The following IGF1 variants were observed in gnomAD, a reference collection of about 807,000 sequenced individuals.
IGF1 encodes insulin like growth factor 1, also known as insulin-like growth factor 1.
Under a neutral mutation model 13.8 loss-of-function variants are expected in IGF1, and 4 were observed. The ratio of observed to expected loss-of-function variants is 0.29; its 90% confidence interval spans 0.14 to 0.66. IGF1 has a LOEUF of 0.66. Among genes scored for constraint, IGF1 ranks in the 30% least tolerant of loss-of-function variants. The pLI, the probability that IGF1 is intolerant of heterozygous loss-of-function variation, is 0.78. For synonymous variants in IGF1, 76 were observed against 72.6 expected (o/e 1.05, Z -0.23); for missense variants, 124 against 188.5 (o/e 0.66, Z 2.00).
intron 2 of IGF1, among the ~76,000 whole-genome samples, chr12:102,452,079 G>A (rs1001439591): frequency 3.3e-5 from 5 of 151,754 alleles, no homozygotes; most frequent in African/African-American, 9.7e-5. Context: ...TGGCTAACAC[G>A]GTGAAACCCC....
chr12:102,402,073 G>A lies in IGF1; in HGVS notation c.*434C>T, dbSNP rs1271472117. On this transcript the variant is annotated 3_prime_UTR_variant, in exon 4 of 4. Transcript: ENST00000337514. ...CTGTAAAACAAACAGCCCGAGTTGT[G>A]TAGAAAGAAGTGCAAATAAGGAAAC... 1 of 156,104 alleles carries A rather than the reference G, an allele frequency of 6.4e-6. No homozygotes were observed. Among genetic ancestry groups the A allele is most frequent in the Non-Finnish European group, 1.4e-5 (1 of 71,220 alleles). 9.7% of individuals were successfully genotyped at this position (156,104 alleles called of 1,614,324 possible).
chr12:102,429,645 A>C (rs1446871281), intron 2 of IGF1, among the ~76,000 whole-genome samples: 1 of 152,204 alleles, frequency 6.6e-6, no homozygotes, highest in Non-Finnish European at 1.5e-5. Context: ...TTTTTAACAA[A>C]TGTAATTATC....
At chr12:102,407,094 C>CAAAAAAAAAAAAAAAA (rs57468885) in intron 3 of IGF1, among the ~76,000 whole-genome samples, 4 of 100,978 alleles carry the variant, frequency 4.0e-5, no homozygotes, top group Non-Finnish European at 7.6e-5. Flanking sequence ...ACTCTGTCTC[C>CAAAAAAAAAAAAAAAA]AAAAAAAAAA....
rs1255126298 is a variant in IGF1, at chr12:102,475,778, A to G, written c.85T>C (p.Ser29Pro). The G allele has an allele frequency of 1.9e-6, 3 of 1,613,804 alleles. No individual in the cohort carries two copies. The African/African-American group carries it at 4.0e-5, about 22-fold the overall frequency. The change falls in exon 2 of 4, where the codon TCC becomes CCC. Residue 29 changes from serine (S) to proline (P), a missense_variant. Around this residue, in one of 2 missense-constraint regions of IGF1, gnomAD observed 99 missense variants for 171.4 expected, o/e 0.58. Transcript: ENST00000337514. ...AGCGCCAGGTAGAAGAGATGCGAGG[A>G]GGACATGGTGTGCATCTTCACCTGC... ...FLKVKMHTMS[S>P]SHLFYLALCL...
chr12:102,410,484 T>A, intron 3 of IGF1, among the ~76,000 whole-genome samples: 1 of 152,234 alleles, frequency 6.6e-6, no homozygotes, highest in Non-Finnish European at 1.5e-5. Context: ...ATTTTGCTGC[T>A]ATGTGCTAAA....
chr12:102,439,979 G>A (rs1877572066), intron 2 of IGF1, among the ~76,000 whole-genome samples: 1 of 152,160 alleles, frequency 6.6e-6, no homozygotes, highest in Admixed American at 6.6e-5. Flanking sequence ...GTGGGAAGCT[G>A]AGCAATTGCT....
chr12:102,430,932 G>A (rs763131947), intron 2 of IGF1, among the ~76,000 whole-genome samples: 1 of 152,054 alleles, frequency 6.6e-6, no homozygotes, highest in Non-Finnish European at 1.5e-5. Flanking sequence ...TTTTTTCTTG[G>A]TGCTCAACAG....
chr12:102,439,232 T>A (rs1186909274), intron 2 of IGF1, among the ~76,000 whole-genome samples: 1 of 152,242 alleles, frequency 6.6e-6, no homozygotes, highest in Admixed American at 6.5e-5. Flanking sequence ...TGCATTTTTT[T>A]TCATGCTCAA....
At chr12:102,457,757 T>C (rs1879537858) in intron 2 of IGF1, among the ~76,000 whole-genome samples, 1 of 152,232 alleles carries the variant, frequency 6.6e-6, no homozygotes, top group Non-Finnish European at 1.5e-5. Context: ...TATACATTAT[T>C]ACTTACTTTA....
chr12:102,473,040 A>G (rs1484640412), intron 2 of IGF1, among the ~76,000 whole-genome samples: 4 of 152,142 alleles, frequency 2.6e-5, no homozygotes, highest in African/African-American at 4.8e-5. Context: ...ACTAGACTCA[A>G]TTCAATTCAA....
rs1259452312 is a variant in IGF1 at position 102,449,295 on chromosome 12, A to T, written c.220+26348T>A. ...CCATTCTCAGCAAACTAACACAGGAACGGAAAACCAAACACCACATTTTCT... is the reference window on the plus strand; with the variant it reads ...CCATTCTCAGCAAACTAACACAGGATCGGAAAACCAAACACCACATTTTCT... On this transcript the variant is annotated intron_variant, in intron 2 of 3. Coordinates refer to ENST00000337514, the MANE Select transcript of IGF1 (RefSeq NM_000618.5). Among the ~76,000 whole-genome samples the T allele has an allele frequency of 5.3e-5, 8 of 151,898 alleles. No individual in the cohort carries two copies. The East Asian group carries it at 1.4e-3, about 26-fold the overall frequency.
In IGF1 at chr12:102,475,634, G is replaced by T. The variant is rs1176228718; in HGVS notation, c.220+9C>A. The T allele has an allele frequency of 6.2e-7, 1 of 1,613,996 alleles. No individual in the cohort carries two copies. Among genetic ancestry groups the T allele is most frequent in the East Asian group, 2.2e-5 (1 of 44,878 alleles). Reference sequence around the variant, plus strand: ...CTTGAGCAGCACATTGAGAGGGAGGGCTACTTACTGAAATAAAAGCCCCTG... The same window carrying T: ...CTTGAGCAGCACATTGAGAGGGAGGTCTACTTACTGAAATAAAAGCCCCTG... On this transcript the variant is annotated intron_variant, in intron 2 of 3. Coordinates refer to ENST00000337514, the MANE Select transcript of IGF1 (RefSeq NM_000618.5).
intron 2 of IGF1, chr12:102,462,677 T>G (rs1310846781): frequency 6.6e-6 from 1 of 152,204 alleles, no homozygotes; most frequent in East Asian, 1.9e-4. Flanking sequence ...TTATTGTATG[T>G]GTGTCATTGA....
At chr12:102,477,577 G>C (rs1881139034) in intron 1 of IGF1, among the ~76,000 whole-genome samples, 1 of 130,826 alleles carries the variant, frequency 7.6e-6, no homozygotes, top group Admixed American at 8.3e-5. Context: ...GGGTTTTCCT[G>C]TTCAATATTT....
At chr12:102,435,704 G>A (rs756806048) in intron 2 of IGF1, among the ~76,000 whole-genome samples, 4 of 152,146 alleles carry the variant, frequency 2.6e-5, no homozygotes, top group Non-Finnish European at 4.4e-5. Context: ...TGAAATTCAG[G>A]CCCATAATTC....
At chr12:102,403,629 T>C (rs2136943295) in intron 3 of IGF1, among the ~76,000 whole-genome samples, 1 of 127,990 alleles carries the variant, frequency 7.8e-6, no homozygotes, top group South Asian at 2.6e-4. Context: ...GACAATTTTT[T>C]TTTTTTTTTT....
chr12:102,445,322 T>A (rs551813230), intron 2 of IGF1, among the ~76,000 whole-genome samples: 2 of 152,320 alleles, frequency 1.3e-5, no homozygotes, highest in East Asian at 3.9e-4. Flanking sequence ...ATAAATTACT[T>A]TGGGCAGTAT....
intron 1 of IGF1, among the ~76,000 whole-genome samples, chr12:102,477,844 TACTC>T (rs987545718): frequency 1.3e-5 from 2 of 152,150 alleles, no homozygotes; most frequent in Non-Finnish European, 2.9e-5. Flanking sequence ...GGAAAAAAAT[TACTC>T]AAGTTATAGC....
At chr12:102,415,543 TTTCCTTCCTTCCTTCCTTCC>T (rs761981548) in intron 3 of IGF1, among the ~76,000 whole-genome samples, 27 of 81,720 alleles carry the variant, frequency 3.3e-4, no homozygotes, top group Non-Finnish European at 9.4e-5. Flanking sequence ...CTTCCTTCCC[TTTCCTTCCTTCCTTCCTTCC>T]TTCCTTCCTT....
Sources: gnomAD v4.1 joint callset for allele counts (sites outside exome capture counted in the v4.1 genomes callset) on GRCh38, gnomAD v4.1.1 for gene constraint, gnomAD v4.1.1 regional missense constraint, MANE v1.5 for transcripts, NCBI Gene and HGNC (gene_info 2026-07-23, HGNC 2026-07-21) for gene names.